Variants in SLC35F4 observed in about 807,000 individuals in gnomAD.
SLC35F4 encodes the protein solute carrier family 35 member F4.
A neutral mutation model predicts 44.2 loss-of-function variants in SLC35F4; 24 were observed. The observed-to-expected ratio is 0.54, with a 90% confidence interval of 0.39 to 0.76. The LOEUF is 0.76. SLC35F4 is among the 30% of genes least tolerant of loss of function. The pLI is 0.00. For missense variants in SLC35F4, 562 were observed against 586.1 expected, an observed-to-expected ratio of 0.96 and a Z score of 0.42; for synonymous variants, 238 against 223.6, an observed-to-expected ratio of 1.06 and a Z score of -0.57.
chr14:57,766,799 C>T (rs866584979), intron 1 of SLC35F4, among the ~76,000 whole-genome samples: 4 of 152,242 alleles, frequency 2.6e-5, no homozygotes, highest in Middle Eastern at 6.8e-3. Flanking sequence ...CAAATATTGC[C>T]TTCTCCACTT....
At chr14:57,903,261 T>C (rs1889043586) in intron 1 of SLC35F4, among the ~76,000 whole-genome samples, 2 of 152,108 alleles carry the variant, frequency 1.3e-5, no homozygotes, top group Admixed American at 1.3e-4. Flanking sequence ...GGAAAGGGGA[T>C]CAACAGATGG....
At chr14:57,828,961 G>C (rs877632) in intron 1 of SLC35F4, among the ~76,000 whole-genome samples, 27,354 of 152,204 alleles carry the variant, frequency 0.18, 3,501 homozygotes, top group African/African-American at 0.36. Context: ...AAACAGCCAT[G>C]CTCACTATGC....
intron 4 of SLC35F4, among the ~76,000 whole-genome samples, chr14:57,575,646 G>C (rs1255098278): frequency 6.6e-6 from 1 of 152,206 alleles, no homozygotes; most frequent in Non-Finnish European, 1.5e-5. Context: ...GCCCACCTGG[G>C]GTGAGTCATT....
chr14:57,755,251 G>T (rs1399812577), intron 1 of SLC35F4, among the ~76,000 whole-genome samples: 2 of 152,166 alleles, frequency 1.3e-5, no homozygotes, highest in Non-Finnish European at 2.9e-5. Flanking sequence ...CCAGTGGGGG[G>T]CCCTGACGAA....
At chr14:57,884,739 G>A (rs1268707478) in intron 1 of SLC35F4, among the ~76,000 whole-genome samples, 1 of 152,030 alleles carries the variant, frequency 6.6e-6, no homozygotes, top group African/African-American at 2.4e-5. Context: ...TATTATAGAT[G>A]TTATTATGAC....
At chr14:57,735,627 T>C (rs2076444264) in intron 1 of SLC35F4, among the ~76,000 whole-genome samples, 1 of 152,156 alleles carries the variant, frequency 6.6e-6, no homozygotes, top group Non-Finnish European at 1.5e-5. Flanking sequence ...AAAAGTACAA[T>C]GTTCCTCAAG....
At chr14:57,676,519 C>A (rs189582908) in intron 1 of SLC35F4, among the ~76,000 whole-genome samples, 2 of 152,190 alleles carry the variant, frequency 1.3e-5, no homozygotes, top group Admixed American at 1.3e-4. Context: ...ACCATCATGG[C>A]ACATATTTAC....
At chr14:57,707,417 G>A (rs973627896) in intron 1 of SLC35F4, among the ~76,000 whole-genome samples, 1 of 152,126 alleles carries the variant, frequency 6.6e-6, no homozygotes, top group Non-Finnish European at 1.5e-5. Flanking sequence ...CGTTTTAAAA[G>A]CATCTGGCAT....
intron 3 of SLC35F4, among the ~76,000 whole-genome samples, chr14:57,583,535 A>G (rs1320548249): frequency 6.6e-6 from 1 of 152,220 alleles, no homozygotes; most frequent in Non-Finnish European, 1.5e-5. Flanking sequence ...GAACACTCCA[A>G]TCCCACAGGG....
rs775305943 is a variant in SLC35F4 at position 57,807,544 on chromosome 14, CT to C, written c.103+58178del. On this transcript the variant is annotated intron_variant, in intron 1 of 7. Transcript: ENST00000556826. Reference sequence around the variant, plus strand: ...GTTCCAACAGGGCTGTAGCAAAACACTATACTTGCTCTCAGAGGAAGAGTTT... The same window carrying C: ...GTTCCAACAGGGCTGTAGCAAAACACATACTTGCTCTCAGAGGAAGAGTTT... 1.5e-4 allele frequency among the ~76,000 whole-genome samples: 23 copies of C among 152,006 alleles called. 1 individual carries two copies. The highest frequency in any genetic ancestry group is 3.4e-3 in the Middle Eastern group (1 of 294).
intron 1 of SLC35F4, among the ~76,000 whole-genome samples, chr14:57,813,269 C>A (rs1012278686): frequency 6.6e-6 from 1 of 152,224 alleles, no homozygotes; most frequent in African/African-American, 2.4e-5. Flanking sequence ...CAGCAGCTAA[C>A]TTATAATAGC....
chr14:57,612,103 A>C (rs1040687291), intron 1 of SLC35F4, among the ~76,000 whole-genome samples: 4 of 152,188 alleles, frequency 2.6e-5, no homozygotes, highest in Non-Finnish European at 4.4e-5. Context: ...CCAAAGTTTG[A>C]GGCCAGATGC....
intron 3 of SLC35F4, among the ~76,000 whole-genome samples, chr14:57,586,851 T>A (rs2069776806): frequency 6.8e-6 from 1 of 146,244 alleles, no homozygotes; most frequent in South Asian, 2.3e-4. Flanking sequence ...GAAACTATCA[T>A]CAGAGTGAAC....
In SLC35F4 at chr14:57,866,031, G is replaced by A; in HGVS notation, c.-206C>T. 3.1e-6 allele frequency: 1 copy of A among 317,794 alleles called. No individual in the cohort carries two copies. The highest frequency in any genetic ancestry group is 5.6e-6 in the Non-Finnish European group (1 of 179,644). The allele number at this position is 317,794 out of a possible 1,614,324, so 19.7% of individuals were successfully genotyped here. A position where few individuals can be genotyped will look rare whatever the true frequency, so the allele number is the denominator to read the frequency against. ...CGGCGGCGGAGCGGCCCCCACTCGG[G>A]CCGGCCTCTCCGTCAGCCTGGCAGC... On this transcript the variant is annotated 5_prime_UTR_variant, in exon 1 of 8. Coordinates refer to ENST00000556826, the MANE Select transcript of SLC35F4 (RefSeq NM_001306087.2).
chr14:57,630,506 A>G, intron 1 of SLC35F4: 1 of 1,086,952 alleles, frequency 9.2e-7, no homozygotes, highest in Non-Finnish European at 1.4e-6. Flanking sequence ...TGCATCTCAC[A>G]CCAAAACTAG....
chr14:57,611,794 T>C (rs1261995811), intron 1 of SLC35F4, among the ~76,000 whole-genome samples: 1 of 152,060 alleles, frequency 6.6e-6, no homozygotes, highest in African/African-American at 2.4e-5. Context: ...GAAAGGTAGA[T>C]AACATCAAAG....
At chr14:57,858,328 C>A (rs1887328033) in intron 1 of SLC35F4, among the ~76,000 whole-genome samples, 1 of 152,016 alleles carries the variant, frequency 6.6e-6, no homozygotes, top group African/African-American at 2.4e-5. Flanking sequence ...GGCACATATA[C>A]ACCATGGAAT....
At chr14:57,925,449 A>G (rs1377463530) in intron 1 of SLC35F4, among the ~76,000 whole-genome samples, 1 of 146,796 alleles carries the variant, frequency 6.8e-6, no homozygotes, top group Non-Finnish European at 1.5e-5. Flanking sequence ...TTAGGCAAGA[A>G]CAGATTCTCC....
chr14:57,650,891 C>A (rs777491440), intron 1 of SLC35F4, among the ~76,000 whole-genome samples: 6 of 152,120 alleles, frequency 3.9e-5, no homozygotes, highest in Non-Finnish European at 8.8e-5. Flanking sequence ...TGCCTGGAAC[C>A]CTTCCTCAGC....
Sources: allele counts gnomAD v4.1 joint callset (sites outside exome capture counted in the v4.1 genomes callset), GRCh38; gene constraint gnomAD v4.1.1; transcripts MANE v1.5; gene names NCBI Gene and HGNC (gene_info 2026-07-23, HGNC 2026-07-21).